NEDD4L: variants seen among roughly 807,000 people sequenced by gnomAD.
NEDD4L encodes the protein NEDD4 like E3 ubiquitin protein ligase.
NEDD4L carries 54 observed loss-of-function variants against 148.9 expected under a neutral mutation model. That is an observed-to-expected ratio of 0.36 (90% confidence interval 0.29 to 0.45). The LOEUF (loss-of-function observed/expected upper bound fraction) is 0.45. NEDD4L is among the 20% of genes least tolerant of loss of function. The pLI is 1.00. For missense variants in NEDD4L, 856 were observed against 1,233.8 expected, an observed-to-expected ratio of 0.69 and a Z score of 4.59; for synonymous variants, 433 against 440.7, an observed-to-expected ratio of 0.98 and a Z score of 0.22.
chr18:58,125,026 T>C (rs1169985715), intron 1 of NEDD4L, among the ~76,000 whole-genome samples: 1 of 152,094 alleles, frequency 6.6e-6, no homozygotes, highest in Non-Finnish European at 1.5e-5. Flanking sequence ...CCTCACCCTT[T>C]TGAGTAGCTG....
chr18:58,276,694 A>ATAATATTAT (rs1555783396), intron 5 of NEDD4L, among the ~76,000 whole-genome samples: 11 of 97,826 alleles, frequency 1.1e-4, no homozygotes, highest in African/African-American at 3.8e-4. Flanking sequence ...AATAATAATA[A>ATAATATTAT]TATTATTATT....
At chr18:58,089,500 C>G (rs1310345205) in intron 1 of NEDD4L, among the ~76,000 whole-genome samples, 1 of 152,034 alleles carries the variant, frequency 6.6e-6, no homozygotes, top group African/African-American at 2.4e-5. Context: ...ATGTGAGTTA[C>G]TGATTTCAGA....
chr18:58,047,436 A>G, intron 1 of NEDD4L: 1 of 984,532 alleles, frequency 1.0e-6, no homozygotes, highest in Non-Finnish European at 1.2e-6. Flanking sequence ...GAACCCAGAA[A>G]ACGGGGATGC....
rs757332763 is a variant in NEDD4L at position 58,113,392 on chromosome 18, A to T, written c.49-52396A>T. Among the ~76,000 whole-genome samples, 4 of 152,344 alleles carry T rather than the reference A, an allele frequency of 2.6e-5. No homozygotes were observed. The South Asian group carries it at 8.3e-4, about 32-fold the overall frequency. Reference sequence around the variant, plus strand: ...GATTGAACAATGGCTGTAGAAGGAAAGGGATTTCCAAGAGAGAATTAGAGG... The same window carrying T: ...GATTGAACAATGGCTGTAGAAGGAATGGGATTTCCAAGAGAGAATTAGAGG... On this transcript the variant is annotated intron_variant, in intron 1 of 30. Coordinates refer to ENST00000400345, the MANE Select transcript of NEDD4L (RefSeq NM_001144967.3).
chr18:58,071,082 A>C (rs967267101), intron 1 of NEDD4L, among the ~76,000 whole-genome samples: 5 of 152,206 alleles, frequency 3.3e-5, no homozygotes, highest in African/African-American at 9.7e-5. Flanking sequence ...AGTTTCTAGG[A>C]TAGAAACTGT....
At chr18:58,161,842 G>A (rs1247544209) in intron 1 of NEDD4L, among the ~76,000 whole-genome samples, 1 of 152,058 alleles carries the variant, frequency 6.6e-6, no homozygotes, top group Non-Finnish European at 1.5e-5. Flanking sequence ...GGGGCTTATG[G>A]GGCCAGTTTT....
intron 1 of NEDD4L, among the ~76,000 whole-genome samples, chr18:58,075,039 G>A (rs2083088092): frequency 6.6e-6 from 1 of 152,162 alleles, no homozygotes; most frequent in Admixed American, 6.5e-5. Flanking sequence ...TAGCACATAT[G>A]TCAGATATCT....
intron 1 of NEDD4L, among the ~76,000 whole-genome samples, chr18:58,142,566 T>C (rs956810818): frequency 6.6e-6 from 1 of 152,172 alleles, no homozygotes. Context: ...GAGGATAGCT[T>C]TCTACTTAAG....
chr18:58,291,200 A>G (rs1335005096), intron 5 of NEDD4L, among the ~76,000 whole-genome samples: 1 of 152,164 alleles, frequency 6.6e-6, no homozygotes, highest in Non-Finnish European at 1.5e-5. Flanking sequence ...ACATGGTCAC[A>G]CAGAGAACCA....
chr18:58,112,400 A>G (rs1039512666), intron 1 of NEDD4L, among the ~76,000 whole-genome samples: 1 of 133,814 alleles, frequency 7.5e-6, no homozygotes, highest in Non-Finnish European at 1.6e-5. Context: ...TTATTTATTT[A>G]TTTATTTATT....
chr18:58,255,410 C>T, intron 5 of NEDD4L: 1 of 915,518 alleles, frequency 1.1e-6, no homozygotes, highest in Non-Finnish European at 1.4e-6. Flanking sequence ...TCTGGCCACC[C>T]TACCCTCTGT....
chr18:58,255,405 C>G (rs1489435093), intron 5 of NEDD4L: 2 of 859,794 alleles, frequency 2.3e-6, no homozygotes, highest in African/African-American at 1.8e-5. Context: ...GTGGTTCTGG[C>G]CACCCTACCC....
chr18:58,316,468 A>G (rs924439944), intron 6 of NEDD4L, among the ~76,000 whole-genome samples: 3 of 152,302 alleles, frequency 2.0e-5, no homozygotes. Flanking sequence ...TACACAAACT[A>G]TAATAGCATT....
intron 1 of NEDD4L, chr18:58,045,320 C>CTGG (rs1478324423): frequency 7.6e-6 from 3 of 395,078 alleles, no homozygotes; most frequent in African/African-American, 6.2e-5. Flanking sequence ...GTGTTCAAGG[C>CTGG]TGGTGGCAGG....
chr18:58,059,676 G>A (rs536485226), intron 1 of NEDD4L, among the ~76,000 whole-genome samples: 18 of 152,296 alleles, frequency 1.2e-4, no homozygotes, highest in African/African-American at 4.3e-4. Flanking sequence ...TGATGTAAAT[G>A]TGCTACAGAA....
intron 2 of NEDD4L, among the ~76,000 whole-genome samples, chr18:58,167,145 C>G (rs1171738366): frequency 6.6e-6 from 1 of 152,216 alleles, no homozygotes; most frequent in Non-Finnish European, 1.5e-5. Context: ...TGAATGGTGT[C>G]ACAAGGAACC....
At chr18:58,364,029 C>G (rs540954420) in intron 19 of NEDD4L, among the ~76,000 whole-genome samples, 1 of 152,320 alleles carries the variant, frequency 6.6e-6, no homozygotes, top group African/African-American at 2.4e-5. Context: ...CAAATGGTTT[C>G]TCAAATAGCA....
At chr18:58,304,931 C>T (rs539828236) in intron 5 of NEDD4L, among the ~76,000 whole-genome samples, 1 of 152,334 alleles carries the variant, frequency 6.6e-6, no homozygotes, top group African/African-American at 2.4e-5. Context: ...GAGTGGCAGC[C>T]AGATATCCCT....
rs959254475 is a variant in NEDD4L, at chr18:58,400,373, A to G, written c.*4104A>G. On this transcript the variant is annotated 3_prime_UTR_variant, in exon 31 of 31. Coordinates refer to ENST00000400345, the MANE Select transcript of NEDD4L (RefSeq NM_001144967.3). ...TGTACTTTAGATTTTAAAACTGGGG[A>G]AAAATGTGATATTCTTTGGACCACT... is the stretch of plus-strand genomic sequence containing the variant. 8 of 152,312 alleles carry G rather than the reference A, an allele frequency of 5.3e-5. No individual in the cohort carries two copies. The highest frequency in any genetic ancestry group is 2.1e-4 in the South Asian group (1 of 4,822). 9.4% of individuals were successfully genotyped at this position (152,312 alleles called of 1,614,324 possible).
Sources: gnomAD v4.1 joint callset for allele counts (sites outside exome capture counted in the v4.1 genomes callset) on GRCh38, gnomAD v4.1.1 for gene constraint, MANE v1.5 for transcripts, NCBI Gene and HGNC (gene_info 2026-07-23, HGNC 2026-07-21) for gene names.